SLC27A2: variants seen among roughly 807,000 people sequenced by gnomAD.
SLC27A2 encodes solute carrier family 27 member 2.
A neutral mutation model predicts 60.0 loss-of-function variants in SLC27A2; 54 were observed. That is an observed-to-expected ratio of 0.90 (90% confidence interval 0.72 to 1.13). SLC27A2 has a LOEUF of 1.13. Ranked by LOEUF, SLC27A2 falls within the 50% of genes most tolerant of loss-of-function variation. The pLI, the probability that SLC27A2 is intolerant of heterozygous loss-of-function variation, is 0.00. For missense variants in SLC27A2, 739 were observed against 777.6 expected, an observed-to-expected ratio of 0.95 and a Z score of 0.59; for synonymous variants, 297 against 297.6, an observed-to-expected ratio of 1.00 and a Z score of 0.02.
At chr15:50,216,756 A>G (rs1282274035) in intron 4 of SLC27A2, among the ~76,000 whole-genome samples, 1 of 144,764 alleles carries the variant, frequency 6.9e-6, no homozygotes, top group Admixed American at 7.0e-5. Flanking sequence ...CATATGATAT[A>G]TATATATATT....
chr15:50,201,420 A>G (rs1470145653), intron 2 of SLC27A2, among the ~76,000 whole-genome samples: 1 of 152,234 alleles, frequency 6.6e-6, no homozygotes, highest in African/African-American at 2.4e-5. Flanking sequence ...TAATACACTT[A>G]TAAAAGGACT....
intron 4 of SLC27A2, among the ~76,000 whole-genome samples, chr15:50,207,958 A>AG (rs2045126222): frequency 1.3e-5 from 2 of 151,610 alleles, no homozygotes; most frequent in African/African-American, 2.4e-5. Context: ...TTTGCAAAAA[A>AG]AAAAAAAGAA....
At chr15:50,195,778 C>G (rs533427253) in intron 1 of SLC27A2, among the ~76,000 whole-genome samples, 1 of 150,980 alleles carries the variant, frequency 6.6e-6, no homozygotes, top group East Asian at 2.0e-4. Context: ...AAGGTAATAC[C>G]CTGGGACATT....
At chr15:50,233,724 G>A in intron 8 of SLC27A2, 144 bp from the exon 9 acceptor site, 2 of 665,790 alleles carry the variant, frequency 3.0e-6, no homozygotes, top group South Asian at 4.5e-5. Flanking sequence ...TCACTTTACA[G>A]TATCTTCATG....
intron 1 of SLC27A2, 84 bp downstream of exon 1, chr15:50,182,989 G>A: frequency 2.2e-6 from 3 of 1,358,780 alleles, no homozygotes; most frequent in Non-Finnish European, 3.0e-6. Flanking sequence ...TAAGGGGTTC[G>A]CAGAGGGAGG....
intron 3 of SLC27A2, among the ~76,000 whole-genome samples, chr15:50,204,709 G>T (rs754976156): frequency 8.6e-5 from 13 of 151,250 alleles, no homozygotes; most frequent in Non-Finnish European, 1.8e-4. Flanking sequence ...CTCCAGCCTG[G>T]GTGACAGAGC....
Position 50,182,196 on chromosome 15 carries a change from A to C in SLC27A2, c.-232A>C. On this transcript the variant is annotated 5_prime_UTR_variant, in exon 1 of 10. Transcript: ENST00000267842. ...CACAAGGGGGCGGGCTCAGCCGGCC[A>C]GTCCTGCCCGGAACCCCCGGCAACG... is the stretch of plus-strand genomic sequence containing the variant. 1 of 510,990 alleles carries C rather than the reference A, an allele frequency of 2.0e-6. No individual in the cohort carries two copies. The highest frequency in any genetic ancestry group is 8.8e-5 in the South Asian group (1 of 11,336). 31.7% of individuals were successfully genotyped at this position (510,990 alleles called of 1,614,324 possible).
intron 4 of SLC27A2, among the ~76,000 whole-genome samples, chr15:50,208,949 T>G (rs1307936579): frequency 6.6e-6 from 1 of 152,170 alleles, no homozygotes; most frequent in Non-Finnish European, 1.5e-5. Context: ...TGGAGCATGA[T>G]ATTGCTAAAG....
At chr15:50,203,377 AAT>A (rs10581996) in intron 3 of SLC27A2, among the ~76,000 whole-genome samples, 86,249 of 151,606 alleles carry the variant, frequency 0.57, 25,411 homozygotes, top group East Asian at 0.8. Context: ...ACTCCATCAG[AAT>A]ACTTGGCTTG....
At position 50,218,738 on chromosome 15, in the gene SLC27A2, CT is replaced by C. The variant is rs1216651037; in HGVS notation, c.973-4225del. Reference sequence around the variant, plus strand: ...AAAAACTTACCATGTACATACTCCCCTTCGGGAATTTACTAAAGAAAATATT... The same window carrying C: ...AAAAACTTACCATGTACATACTCCCCTCGGGAATTTACTAAAGAAAATATT... On this transcript the variant is annotated intron_variant, in intron 4 of 9. Transcript: ENST00000267842. Among the ~76,000 whole-genome samples the C allele has an allele frequency of 2.0e-5, 3 of 152,108 alleles. No homozygotes were observed. In the East Asian group the frequency reaches 5.8e-4, roughly 29 times the overall value.
At position 50,182,347 on chromosome 15, in the gene SLC27A2, C is replaced by T. The variant is rs2044860732; in HGVS notation, c.-81C>T. 22 of 1,380,596 alleles carry T rather than the reference C, an allele frequency of 1.6e-5. No homozygotes were observed. Among genetic ancestry groups the T allele is most frequent in the Non-Finnish European group, 2.0e-5 (21 of 1,068,626 alleles). The allele number at this position is 1,380,596 out of a possible 1,614,324, so 85.5% of individuals were successfully genotyped here. A position where few individuals can be genotyped will look rare whatever the true frequency, so the allele number is the denominator to read the frequency against. On this transcript the variant is annotated 5_prime_UTR_variant, in exon 1 of 10. Transcript: ENST00000267842. Reference sequence around the variant, plus strand: ...CGCCCCGGCGCAGCCCGCCAGTCCGCCCGGAGCCCGCCCAGTCGCCGCGCT... The same window carrying T: ...CGCCCCGGCGCAGCCCGCCAGTCCGTCCGGAGCCCGCCCAGTCGCCGCGCT...
At chr15:50,213,996 A>C (rs970266866) in intron 4 of SLC27A2, among the ~76,000 whole-genome samples, 1 of 145,898 alleles carries the variant, frequency 6.9e-6, no homozygotes, top group African/African-American at 2.5e-5. Context: ...ACAAACAAAC[A>C]AACAAAAAAA....
chr15:50,187,241 T>C (rs1270158339), intron 1 of SLC27A2, among the ~76,000 whole-genome samples: 2 of 152,202 alleles, frequency 1.3e-5, no homozygotes, highest in Non-Finnish European at 2.9e-5. Context: ...AGGATCGTTC[T>C]CCAGGGCAGG....
chr15:50,215,396 A>T (rs2045187894), intron 4 of SLC27A2, among the ~76,000 whole-genome samples: 1 of 152,232 alleles, frequency 6.6e-6, no homozygotes, highest in Non-Finnish European at 1.5e-5. Flanking sequence ...TGCCAAAAGC[A>T]ATCTACAAAT....
intron 1 of SLC27A2, among the ~76,000 whole-genome samples, chr15:50,183,215 C>G (rs1376481310): frequency 2.0e-5 from 3 of 152,170 alleles, no homozygotes; most frequent in Non-Finnish European, 4.4e-5. Context: ...GGTGAAGCCT[C>G]ATGCCCAGCC....
intron 1 of SLC27A2, among the ~76,000 whole-genome samples, chr15:50,183,248 C>T (rs1436701496): frequency 6.6e-6 from 1 of 152,202 alleles, no homozygotes; most frequent in African/African-American, 2.4e-5. Context: ...ATTCCAAGCT[C>T]TTAATCAATA....
At position 50,223,000 on chromosome 15, in the gene SLC27A2, A is replaced by G; in HGVS notation, c.1008A>G (p.Ala336=). 1 of 1,613,368 alleles carries G rather than the reference A, an allele frequency of 6.2e-7. No homozygotes were observed. Among genetic ancestry groups the G allele is most frequent in the Non-Finnish European group, 8.5e-7 (1 of 1,179,712 alleles). ...ACCGTGATCATAAAGTGAGACTGGC[A>G]CTGGGAAATGGCTTACGAGGAGATG... ...PNDRDHKVRL[A]LGNGLRGDVW... The change falls in exon 5 of 10, where the codon GCA becomes GCG. Residue 336 remains alanine (A), a synonymous_variant. Transcript: ENST00000267842.
chr15:50,193,143 T>C (rs1465419137), intron 1 of SLC27A2, among the ~76,000 whole-genome samples: 1 of 152,176 alleles, frequency 6.6e-6, no homozygotes, highest in Non-Finnish European at 1.5e-5. Flanking sequence ...CTGCCCAGAC[T>C]CAGGCTTAGT....
rs374368905 is a variant in SLC27A2 at position 50,229,004 on chromosome 15, T to G, written c.1517T>G (p.Phe506Cys). 4.3e-6 allele frequency: 7 copies of G among 1,613,942 alleles called. No homozygotes were observed. The African/African-American group carries it at 9.3e-5, about 22-fold the overall frequency. Residue 506 changes from phenylalanine (F) to cysteine (C), a missense_variant, in exon 8 of 10, where the codon TTT becomes TGT. Transcript: ENST00000267842. Reference protein sequence around the residue: ...EVADTVGLVDFVQEVNVYGVH... With the variant: ...EVADTVGLVDCVQEVNVYGVH... ...GCTGATACAGTTGGACTGGTTGATT[T>G]TGTCCAAGAAGTAAATGTTTATGGA...
Sources: gnomAD v4.1 joint callset for allele counts (sites outside exome capture counted in the v4.1 genomes callset) on GRCh38, gnomAD v4.1.1 for gene constraint, MANE v1.5 for transcripts, NCBI Gene and HGNC (gene_info 2026-07-23, HGNC 2026-07-21) for gene names.